The following SKAP1 variants were observed in gnomAD, a reference collection of about 807,000 sequenced individuals.
SKAP1 encodes the protein src kinase associated phosphoprotein 1.
A neutral mutation model predicts 58.5 loss-of-function variants in SKAP1; 44 were observed. The observed-to-expected ratio is 0.75, with a 90% CI of 0.59 to 0.97. SKAP1 has a LOEUF of 0.97. SKAP1 is among the 50% of genes least tolerant of loss of function. The probability of loss-of-function intolerance (pLI) is 0.00; values close to 1 mark genes in which losing one functional copy is unlikely to be tolerated. For missense variants in SKAP1, 390 were observed against 435.2 expected, an observed-to-expected ratio of 0.90 and a Z score of 0.92; for synonymous variants, 127 against 149.7, an observed-to-expected ratio of 0.85 and a Z score of 1.11.
At chr17:48,382,448 C>G (rs893661155) in intron 2 of SKAP1, 5 of 152,236 alleles carry the variant, frequency 3.3e-5, no homozygotes, top group Non-Finnish European at 1.5e-5. Context: ...ATGGCAGGTG[C>G]AGCGAAGCAA....
chr17:48,395,552 A>G (rs767051193), intron 2 of SKAP1, among the ~76,000 whole-genome samples: 2 of 152,188 alleles, frequency 1.3e-5, no homozygotes, highest in Non-Finnish European at 2.9e-5. Flanking sequence ...ACTAAGCCTA[A>G]ACTTATCTAT....
At chr17:48,334,605 C>T (rs113703489) in intron 4 of SKAP1, among the ~76,000 whole-genome samples, 11 of 151,674 alleles carry the variant, frequency 7.3e-5, no homozygotes, top group Middle Eastern at 3.4e-3. Flanking sequence ...AAATCAGGCC[C>T]AGCAGGTATC....
rs76611827 is a variant in SKAP1, at chr17:48,154,255, G to A, written c.978+8214C>T. Among the ~76,000 whole-genome samples, 125 of 152,356 alleles carry A rather than the reference G, an allele frequency of 8.2e-4. 2 individuals are homozygous for A. In the East Asian group the frequency reaches 0.022, roughly 27 times the overall value. ...GAGCCAGGATCTCATCTGAGTTTAA[G>A]TAGCTGCAGTCCAGGGTGACAAAGT... On this transcript the variant is annotated intron_variant, in intron 11 of 12. Transcript: ENST00000336915.
At chr17:48,170,712 C>CT (rs377407749) in intron 9 of SKAP1, 53 bp from the exon 10 acceptor site, 110,894 of 1,057,598 alleles carry the variant, frequency 0.1, no homozygotes, top group South Asian at 0.12. Context: ...GTCTCATGTT[C>CT]TTTTTTTTTT....
chr17:48,403,024 A>G (rs1458871720), intron 1 of SKAP1, among the ~76,000 whole-genome samples: 1 of 152,136 alleles, frequency 6.6e-6, no homozygotes, highest in East Asian at 1.9e-4. Context: ...GAAGCCATTG[A>G]GTTGTATGCT....
At chr17:48,425,900 G>A (rs537003418) in intron 1 of SKAP1, among the ~76,000 whole-genome samples, 2 of 152,326 alleles carry the variant, frequency 1.3e-5, no homozygotes, top group East Asian at 3.9e-4. Context: ...TTACCATAAA[G>A]TATGGTAATA....
At chr17:48,387,896 C>A (rs2067297774) in intron 2 of SKAP1, among the ~76,000 whole-genome samples, 1 of 152,046 alleles carries the variant, frequency 6.6e-6, no homozygotes, top group South Asian at 2.1e-4. Flanking sequence ...CTAATAATTG[C>A]TGGTTTAGAA....
chr17:48,367,739 G>GA (rs1297061048), intron 2 of SKAP1, among the ~76,000 whole-genome samples: 3 of 151,392 alleles, frequency 2.0e-5, no homozygotes, highest in African/African-American at 7.3e-5. Flanking sequence ...GAAACATGGC[G>GA]AAACTTCATC....
At chr17:48,408,007 T>G (rs950702941) in intron 1 of SKAP1, among the ~76,000 whole-genome samples, 2 of 152,082 alleles carry the variant, frequency 1.3e-5, no homozygotes, top group African/African-American at 4.8e-5. Context: ...ATACAAAAAT[T>G]AGGCAGAGTA....
chr17:48,317,802 T>C (rs896164743), intron 4 of SKAP1, among the ~76,000 whole-genome samples: 18 of 151,998 alleles, frequency 1.2e-4, no homozygotes, highest in Non-Finnish European at 2.5e-4. Context: ...TATTAAACTC[T>C]CATGAGACAT....
intron 2 of SKAP1, among the ~76,000 whole-genome samples, chr17:48,365,436 A>G (rs1050494113): frequency 7.9e-5 from 12 of 152,314 alleles, no homozygotes; most frequent in Admixed American, 4.6e-4. Flanking sequence ...ATTATTCTTT[A>G]TCAATTTTTC....
chr17:48,406,293 C>T (rs1223484473), intron 1 of SKAP1, among the ~76,000 whole-genome samples: 2 of 151,834 alleles, frequency 1.3e-5, no homozygotes, highest in East Asian at 3.9e-4. Context: ...AAAACAACAA[C>T]AAAAGCAGCA....
At chr17:48,166,586 G>A (rs1351781174) in intron 10 of SKAP1, among the ~76,000 whole-genome samples, 1 of 152,198 alleles carries the variant, frequency 6.6e-6, no homozygotes, top group Non-Finnish European at 1.5e-5. Flanking sequence ...TGTGATCAGG[G>A]AAAAGTGGCT....
intron 4 of SKAP1, among the ~76,000 whole-genome samples, chr17:48,292,143 A>AAG (rs1555612182): frequency 5.3e-5 from 8 of 150,170 alleles, no homozygotes; most frequent in Non-Finnish European, 8.9e-5. Flanking sequence ...AAAAAAAAAA[A>AAG]AAAGAAAGAA....
chr17:48,404,247 G>GTTC (rs1370852680), intron 1 of SKAP1, among the ~76,000 whole-genome samples: 1 of 152,110 alleles, frequency 6.6e-6, no homozygotes, highest in African/African-American at 2.4e-5. Context: ...GAGGTTGGGA[G>GTTC]TTCAAGACCA....
intron 4 of SKAP1, among the ~76,000 whole-genome samples, chr17:48,246,826 G>T (rs2065302416): frequency 6.6e-6 from 1 of 152,060 alleles, no homozygotes; most frequent in Non-Finnish European, 1.5e-5. Flanking sequence ...CAGTTACTTG[G>T]GTGCATAACT....
intron 11 of SKAP1, among the ~76,000 whole-genome samples, chr17:48,140,521 C>A (rs2144573549): frequency 6.6e-6 from 1 of 152,284 alleles, no homozygotes; most frequent in African/African-American, 2.4e-5. Flanking sequence ...GTTTATCACT[C>A]ATGACCACAG....
intron 5 of SKAP1, 103 bp from the exon 6 acceptor site, chr17:48,188,029 C>G (rs1429505023): frequency 4.7e-6 from 4 of 845,636 alleles, no homozygotes; most frequent in Middle Eastern, 2.2e-4. Context: ...TGTTTTATTT[C>G]CCAGGTTAAT....
intron 4 of SKAP1, among the ~76,000 whole-genome samples, chr17:48,260,584 A>G (rs1296553646): frequency 6.6e-6 from 1 of 152,168 alleles, no homozygotes; most frequent in Non-Finnish European, 1.5e-5. Context: ...TGACTCGTGG[A>G]CATCATATTA....
Sources: allele counts gnomAD v4.1 joint callset (sites outside exome capture counted in the v4.1 genomes callset), GRCh38; gene constraint gnomAD v4.1.1; transcripts MANE v1.5; gene names NCBI Gene and HGNC (gene_info 2026-07-23, HGNC 2026-07-21).